The following CHD7 variants were observed in gnomAD, a reference collection of about 807,000 sequenced individuals.
CHD7 encodes the protein ATP-dependent chromatin remodeler CHD7.
In CHD7, 24 loss-of-function variants were observed where a neutral mutation model predicts 307.3. The observed-to-expected ratio is 0.08, with a 90% CI of 0.06 to 0.11. The LOEUF (loss-of-function observed/expected upper bound fraction) is 0.11, where lower values mean the gene tolerates loss of function less well. Ranked by LOEUF, CHD7 falls within the 10% of genes least tolerant of loss-of-function variation. The probability of loss-of-function intolerance (pLI) is 1.00; values close to 1 mark genes in which losing one functional copy is unlikely to be tolerated. For missense variants in CHD7, 3,106 were observed against 3,727.1 expected (o/e 0.83, Z 4.34); for synonymous variants, 1,363 against 1,349.9 (o/e 1.01, Z -0.21).
chr8:60,727,442 C>G (rs1808225487), intron 1 of CHD7, among the ~76,000 whole-genome samples: 1 of 152,206 alleles, frequency 6.6e-6, no homozygotes, highest in African/African-American at 2.4e-5. Context: ...AGTAACTACT[C>G]TTAACAGAGT....
At chr8:60,791,197 G>A (rs980908328) in intron 3 of CHD7, among the ~76,000 whole-genome samples, 1 of 152,184 alleles carries the variant, frequency 6.6e-6, no homozygotes, top group Non-Finnish European at 1.5e-5. Context: ...TGCTGAGGTG[G>A]GAAATACAGG....
intron 7 of CHD7, among the ~76,000 whole-genome samples, chr8:60,812,008 C>T (rs116273193): frequency 0.012 from 1,756 of 152,266 alleles, 35 homozygotes; most frequent in African/African-American, 0.039. Context: ...TTCTGTCATG[C>T]TCAACTTTTA....
Position 60,781,189 on chromosome 8 carries a change from G to T in CHD7, c.1855G>T (p.Asp619Tyr). 4 of 1,604,286 alleles carry T rather than the reference G, an allele frequency of 2.5e-6. No individual in the cohort carries two copies. Among genetic ancestry groups the T allele is most frequent in the Non-Finnish European group, 3.4e-6 (4 of 1,175,108 alleles). ...EDPSKGFGKD[D>Y]FPGGVDNQEL... Reference sequence around the variant, plus strand: ...TCCCAGTAAAGGTTTTGGTAAAGATGACTTCCCTGGTGGGGTAGATAACCA... The same window carrying T: ...TCCCAGTAAAGGTTTTGGTAAAGATTACTTCCCTGGTGGGGTAGATAACCA... Residue 619 changes from aspartate to tyrosine, a missense_variant, in exon 3 of 38, where the codon GAC becomes TAC. By Grantham distance (160) the Asp-to-Tyr change is radical. This residue lies in a region of CHD7 where 998 missense variants were observed against 1,004.5 expected (regional missense o/e 0.99). Coordinates refer to ENST00000423902, the MANE Select transcript of CHD7 (RefSeq NM_017780.4).
chr8:60,808,854 A>C (rs1332448413), intron 7 of CHD7: 1 of 152,388 alleles, frequency 6.6e-6, no homozygotes, highest in Non-Finnish European at 1.5e-5. Context: ...GCCCAGACAG[A>C]TATTGTGATG....
chr8:60,819,163 C>T (rs1243827284), intron 8 of CHD7, among the ~76,000 whole-genome samples: 1 of 152,116 alleles, frequency 6.6e-6, no homozygotes, highest in Non-Finnish European at 1.5e-5. Context: ...CCATGTTGGC[C>T]AGGCTGGTCT....
chr8:60,837,985 A>C (rs1264601071), intron 18 of CHD7, 91 bp from the exon 19 acceptor site: 8 of 1,268,000 alleles, frequency 6.3e-6, no homozygotes, highest in Non-Finnish European at 8.5e-6. Context: ...ATTTAGGTTT[A>C]CTCTCTTTGA....
At position 60,805,208 on chromosome 8, in the gene CHD7, C is replaced by T. The variant is rs555207888; in HGVS notation, c.2443-3009C>T. Among the ~76,000 whole-genome samples the T allele has an allele frequency of 3.3e-5, 5 of 152,230 alleles. 1 individual carries two copies. In the South Asian group the frequency reaches 1.0e-3, roughly 32 times the overall value. ...TTAGTAAATAATTGAAATGATGTTT[C>T]TGAGGGCTTATGAATTCACACACTT... On this transcript the variant is annotated intron_variant, in intron 6 of 37. Transcript: ENST00000423902.
In CHD7 at chr8:60,854,415, G is replaced by A; in HGVS notation, c.6828G>A (p.Met2276Ile). ...TTGATGAAGAAAGCAATGCTTCCAT[G>A]AGCACTGCTAGAGATGAAACCCGAG... ...KNFDEESNAS[M>I]STARDETRDG... The change falls in exon 32 of 38, where the codon ATG (methionine) becomes ATA (isoleucine). Residue 2276 changes from methionine to isoleucine, a missense_variant. Coordinates refer to ENST00000423902, the MANE Select transcript of CHD7 (RefSeq NM_017780.4). 1 of 1,613,526 alleles carries A rather than the reference G, an allele frequency of 6.2e-7. No individual in the cohort carries two copies. Among genetic ancestry groups the A allele is most frequent in the Non-Finnish European group, 8.5e-7 (1 of 1,179,510 alleles).
intron 1 of CHD7, among the ~76,000 whole-genome samples, chr8:60,702,147 A>G (rs1222768845): frequency 6.6e-6 from 1 of 152,216 alleles, no homozygotes; most frequent in African/African-American, 2.4e-5. Flanking sequence ...ATATTCAGGC[A>G]TAGTTGTGAG....
intron 2 of CHD7, among the ~76,000 whole-genome samples, chr8:60,753,766 A>G (rs2150602162): frequency 6.6e-6 from 1 of 151,792 alleles, no homozygotes; most frequent in South Asian, 2.1e-4. Context: ...CTGGGGCTAC[A>G]GTCGCCCACC....
intron 3 of CHD7, among the ~76,000 whole-genome samples, chr8:60,782,285 T>C (rs1174327482): frequency 6.6e-6 from 1 of 152,168 alleles, no homozygotes; most frequent in African/African-American, 2.4e-5. Context: ...CCCCATACCC[T>C]CATGTGCACG....
chr8:60,679,443 G>GA (rs897928635), intron 1 of CHD7: 1 of 145,824 alleles, frequency 6.9e-6, no homozygotes, highest in Non-Finnish European at 1.5e-5. Context: ...CGGCGTGGGG[G>GA]GGGGGTACGG....
At chr8:60,735,981 A>G (rs997436605) in intron 1 of CHD7, among the ~76,000 whole-genome samples, 4 of 152,178 alleles carry the variant, frequency 2.6e-5, no homozygotes, top group Non-Finnish European at 5.9e-5. Context: ...TGGCTTCTGG[A>G]TTACACAGCA....
chr8:60,765,183 A>G (rs1810405612), intron 2 of CHD7, among the ~76,000 whole-genome samples: 1 of 144,840 alleles, frequency 6.9e-6, no homozygotes, highest in South Asian at 2.3e-4. Flanking sequence ...CAGTCCCTGC[A>G]TTAGATGTTG....
At chr8:60,771,693 A>ACAG (rs879669372) in intron 2 of CHD7, among the ~76,000 whole-genome samples, 118,229 of 151,956 alleles carry the variant, frequency 0.78, 46,273 homozygotes, top group East Asian at 0.94. Flanking sequence ...CTGGGGAGGA[A>ACAG]TCCATGTTCA....
intron 2 of CHD7, among the ~76,000 whole-genome samples, chr8:60,765,737 G>T (rs944592461): frequency 2.0e-5 from 3 of 152,214 alleles, no homozygotes; most frequent in African/African-American, 7.2e-5. Flanking sequence ...TGGTGCTGAG[G>T]GTTTCAGCTT....
Position 60,810,273 on chromosome 8 carries a change from AG to A in CHD7, c.2498+2009del, listed in dbSNP as rs567614283. ...AAGAAGGCTTGGTTGTTTTCAGTGA[AG>A]GGGGGGGCATTGAGAAACCAAGATT... On this transcript the variant is annotated intron_variant, in intron 7 of 37. Coordinates refer to ENST00000423902, the MANE Select transcript of CHD7 (RefSeq NM_017780.4). 3.9e-3 allele frequency among the ~76,000 whole-genome samples: 584 copies of A among 150,836 alleles called. 3 individuals are homozygous for A. The highest frequency in any genetic ancestry group is 0.014 in the African/African-American group (563 of 41,038).
At chr8:60,844,513 G>A (rs968825448) in intron 21 of CHD7, among the ~76,000 whole-genome samples, 2 of 152,140 alleles carry the variant, frequency 1.3e-5, no homozygotes, top group Non-Finnish European at 2.9e-5. Flanking sequence ...ACATCAAAAT[G>A]TACTAATCAT....
intron 2 of CHD7, among the ~76,000 whole-genome samples, chr8:60,748,793 G>GT (rs1300121293): frequency 6.6e-6 from 1 of 152,066 alleles, no homozygotes; most frequent in Non-Finnish European, 1.5e-5. Flanking sequence ...CTTAAAATAA[G>GT]TTTATTTTGG....
Sources: allele counts gnomAD v4.1 joint callset (sites outside exome capture counted in the v4.1 genomes callset), GRCh38; gene constraint gnomAD v4.1.1; regional missense constraint gnomAD v4.1.1; transcripts MANE v1.5; gene names NCBI Gene and HGNC (gene_info 2026-07-23, HGNC 2026-07-21).